The following ERCC1 variants were observed in gnomAD, a reference collection of about 807,000 sequenced individuals.
ERCC1 encodes DNA excision repair protein ERCC-1.
A neutral mutation model predicts 37.6 loss-of-function variants in ERCC1; 36 were observed. That is an observed-to-expected ratio of 0.96 (90% CI 0.73 to 1.26). ERCC1 has a LOEUF of 1.26. ERCC1 is among the 50% of genes most tolerant of loss of function. The pLI is 0.00. For synonymous variants in ERCC1, 156 were observed against 162.1 expected (o/e 0.96, Z 0.28); for missense variants, 349 against 376.5 (o/e 0.93, Z 0.60).
upstream of ERCC1, chr19:45,424,138 C>G: frequency 2.1e-5 from 18 of 849,886 alleles, no homozygotes; most frequent in Non-Finnish European, 2.6e-5. Flanking sequence ...GGAGATCCAA[C>G]TTGGTCCCTC....
intron 1 of ERCC1, among the ~76,000 whole-genome samples, chr19:45,430,517 C>G (rs1974805972): frequency 6.6e-6 from 1 of 152,296 alleles, no homozygotes; most frequent in South Asian, 2.1e-4. Flanking sequence ...ATACATACAT[C>G]TGGGTCCTGT....
intron 1 of ERCC1, among the ~76,000 whole-genome samples, chr19:45,433,194 G>C (rs569455513): frequency 6.6e-6 from 1 of 151,620 alleles, no homozygotes; most frequent in African/African-American, 2.4e-5. Flanking sequence ...GTTTGAGACC[G>C]GCCTGGGCAA....
intron 1 of ERCC1, among the ~76,000 whole-genome samples, chr19:45,440,883 A>G (rs1338051908): frequency 6.6e-6 from 1 of 152,042 alleles, no homozygotes; most frequent in Non-Finnish European, 1.5e-5. Flanking sequence ...ACAGGTGTGC[A>G]CCAGCACACC....
intron 1 of ERCC1, among the ~76,000 whole-genome samples, chr19:45,439,670 G>A (rs944446536): frequency 6.6e-6 from 1 of 151,938 alleles, no homozygotes; most frequent in Admixed American, 6.6e-5. Flanking sequence ...CGTCGGCTCT[G>A]AACCCCGGCG....
chr19:45,416,225 G>C (rs1454386243), intron 6 of ERCC1, among the ~76,000 whole-genome samples: 1 of 152,222 alleles, frequency 6.6e-6, no homozygotes, highest in African/African-American at 2.4e-5. Flanking sequence ...AGCCACGCCT[G>C]GCACTGCTGA....
chr19:45,413,839 G>C, intron 8 of ERCC1, 94 bp from the exon 9 acceptor site: 7 of 1,592,306 alleles, frequency 4.4e-6, no homozygotes, highest in Non-Finnish European at 5.2e-6. Flanking sequence ...CAGGGGAGAT[G>C]AGGGCCTGTG....
intron 8 of ERCC1, 64 bp from the exon 9 acceptor site, chr19:45,413,809 G>A (rs1053187909): frequency 6.2e-7 from 1 of 1,608,422 alleles, no homozygotes; most frequent in African/African-American, 1.3e-5. Flanking sequence ...CCCAGCTGAG[G>A]AGGGGCCTCA....
rs778375814 is a variant in ERCC1, at chr19:45,419,161, A to G, written c.462T>C (p.His154=). The change falls in exon 5 of 10, where the codon CAT becomes CAC. Residue 154 remains histidine, a synonymous_variant. Coordinates refer to ENST00000300853, the MANE Select transcript of ERCC1 (RefSeq NM_001983.4). ...TCTTCCCCAGGCTCTGCAGCCGCCC[A>G]TGGATGTAGTCTGGGTGCAGGTTGT... is the stretch of plus-strand genomic sequence containing the variant. ...RYHNLHPDYI[H]GRLQSLGKNF... 3.1e-5 allele frequency: 50 copies of G among 1,598,626 alleles called. No individual in the cohort carries two copies. The East Asian group carries it at 1.0e-3, about 33-fold the overall frequency.
intron 1 of ERCC1, 85 bp downstream of exon 1, chr19:45,423,696 A>C (rs1974584026): frequency 6.6e-6 from 8 of 1,204,136 alleles, no homozygotes; most frequent in African/African-American, 1.6e-5. Flanking sequence ...CGCCCTCCCC[A>C]CGCCTGGCCT....
In ERCC1 at chr19:45,409,519, G is replaced by A. The variant is rs1447421671; in HGVS notation, c.*156C>T. ...CTGTGTAGTCTGCCCCCGGGAAACTGAGGAACTAAAGAAAGCTGAAGGTGC... is the reference window on the plus strand; with the variant it reads ...CTGTGTAGTCTGCCCCCGGGAAACTAAGGAACTAAAGAAAGCTGAAGGTGC... On this transcript the variant is annotated 3_prime_UTR_variant, in exon 10 of 10. Transcript: ENST00000300853. 6.3e-7 allele frequency: 1 copy of A among 1,591,736 alleles called. No homozygotes were observed. Among genetic ancestry groups the A allele is most frequent in the Non-Finnish European group, 8.5e-7 (1 of 1,169,946 alleles).
chr19:45,447,797 G>A (rs536359043), intron 1 of ERCC1, among the ~76,000 whole-genome samples: 3 of 152,142 alleles, frequency 2.0e-5, no homozygotes, highest in African/African-American at 7.2e-5. Flanking sequence ...GCCCCAGGTC[G>A]GCAATTCTGG....
Position 45,423,320 on chromosome 19 carries a change from T to C in ERCC1, c.55A>G (p.Arg19Gly), listed in dbSNP as rs779584563. The C allele has an allele frequency of 1.2e-6, 2 of 1,613,942 alleles. No homozygotes were observed. Among genetic ancestry groups the C allele is most frequent in the Middle Eastern group, 1.6e-4 (1 of 6,062 alleles). Residue 19 changes from arginine (R) to glycine (G), a missense_variant, in exon 2 of 10, where the codon AGG becomes GGG. Coordinates refer to ENST00000300853, the MANE Select transcript of ERCC1 (RefSeq NM_001983.4). Reference sequence around the variant, plus strand: ...TCGAGGGGTATCACAAATTTCTTCCTTGCTGGCGGCCCTGAGGGCTGGGGC... The same window carrying C: ...TCGAGGGGTATCACAAATTTCTTCCCTGCTGGCGGCCCTGAGGGCTGGGGC... ...GVPQPSGPPA[R>G]KKFVIPLDED... is the part of the protein sequence containing the mutation.
At chr19:45,415,028 C>T (rs180897036) in intron 6 of ERCC1, 68 bp from the exon 7 acceptor site, 3 of 1,267,356 alleles carry the variant, frequency 2.4e-6, no homozygotes, top group African/African-American at 1.5e-5. Context: ...TCATTATGGT[C>T]AGTCATAAGA....
chr19:45,415,060 G>A (rs977228522), intron 6 of ERCC1, 100 bp from the exon 7 acceptor site: 17 of 858,432 alleles, frequency 2.0e-5, no homozygotes, highest in East Asian at 5.5e-5. Context: ...TAGGCCGGGC[G>A]CGGTGGCTCA....
At chr19:45,436,665 G>A (rs535566827) in intron 1 of ERCC1, 1 of 152,130 alleles carries the variant, frequency 6.6e-6, no homozygotes, top group Non-Finnish European at 1.5e-5. Context: ...GAGATGAAGC[G>A]GGGGGGCGGG....
intron 1 of ERCC1, among the ~76,000 whole-genome samples, chr19:45,441,753 C>G (rs1257297041): frequency 6.6e-6 from 1 of 151,536 alleles, no homozygotes; most frequent in Non-Finnish European, 1.5e-5. Context: ...TCTCGGCTCA[C>G]TGCAACCTCT....
chr19:45,411,288 C>T (rs1413388442), intron 9 of ERCC1, among the ~76,000 whole-genome samples: 1 of 152,124 alleles, frequency 6.6e-6, no homozygotes, highest in Non-Finnish European at 1.5e-5. Flanking sequence ...ACACTGATTT[C>T]CTTTTTTTGG....
chr19:45,419,493 G>C (rs1169412635), intron 4 of ERCC1: 5 of 406,188 alleles, frequency 1.2e-5, no homozygotes, highest in African/African-American at 6.1e-5. Context: ...AGGGGCCCTA[G>C]AGAGTGTGGG....
At chr19:45,449,204 A>G (rs988959449) in intron 1 of ERCC1, 2 of 152,270 alleles carry the variant, frequency 1.3e-5, no homozygotes, top group African/African-American at 4.8e-5. Flanking sequence ...TCAGCACAGC[A>G]AGGATTCCAA....
Sources: gnomAD v4.1 joint callset for allele counts (sites outside exome capture counted in the v4.1 genomes callset) on GRCh38, gnomAD v4.1.1 for gene constraint, MANE v1.5 for transcripts, NCBI Gene and HGNC (gene_info 2026-07-23, HGNC 2026-07-21) for gene names.